The following JAG1 variants were observed in gnomAD, a reference collection of about 807,000 sequenced individuals.
The protein encoded by JAG1 is protein jagged-1.
A neutral mutation model predicts 148.7 loss-of-function variants in JAG1; 23 were observed. That is an observed-to-expected ratio of 0.15 (90% CI 0.11 to 0.22). JAG1 has a LOEUF of 0.22. Ranked by LOEUF, JAG1 falls within the 10% of genes least tolerant of loss-of-function variation. The probability of loss-of-function intolerance (pLI) is 1.00; values close to 1 mark genes in which losing one functional copy is unlikely to be tolerated. For missense variants in JAG1, 1,054 were observed against 1,611.2 expected (o/e 0.65, Z 5.92); for synonymous variants, 572 against 598.3 (o/e 0.96, Z 0.64).
chr20:10,673,416 C>T lies in JAG1; in HGVS notation c.81+34G>A, dbSNP rs1370142584. The T allele has an allele frequency of 2.9e-6, 4 of 1,398,674 alleles. No individual in the cohort carries two copies. Among genetic ancestry groups the T allele is most frequent in the Admixed American group, 3.0e-5 (1 of 33,752 alleles). 86.6% of individuals were successfully genotyped at this position (1,398,674 alleles called of 1,614,324 possible). A position where few individuals can be genotyped will look rare whatever the true frequency, so the allele number is the denominator to read the frequency against. ...GGGCGCCGCGAGGGGAGGGAGAGGA[C>T]GGCTGGGAGGGAGGCCCGGAGAAGG... On this transcript the variant is annotated intron_variant, in intron 1 of 25. Coordinates refer to ENST00000254958, the MANE Select transcript of JAG1 (RefSeq NM_000214.3). This position sits in a 1 kb window ranked among gnomAD's most constrained non-coding sequence, Gnocchi z 4.7.
intron 6 of JAG1, 102 bp downstream of exon 6, chr20:10,652,366 A>C: frequency 6.3e-7 from 1 of 1,596,274 alleles, no homozygotes; most frequent in Non-Finnish European, 8.6e-7. Flanking sequence ...ACAGCATTCA[A>C]GGAGAATTCA....
chr20:10,647,171 C>T, intron 13 of JAG1, 68 bp from the exon 14 acceptor site: 2 of 1,594,638 alleles, frequency 1.3e-6, no homozygotes, highest in Non-Finnish European at 1.7e-6. Flanking sequence ...AAGCCAAGGG[C>T]CTGGGCCAAG....
Position 10,645,170 on chromosome 20 carries a change from C to T in JAG1, c.2200G>A (p.Gly734Ser), listed in dbSNP as rs199561320. The change falls in exon 17 of 26, where the codon GGC becomes AGC. Residue 734 changes from glycine (G) to serine (S), a missense_variant. By Grantham distance (56) the Gly-to-Ser change is moderately conservative (BLOSUM62 0). Transcript: ENST00000254958. The surrounding 1 kb of genome is among the most constrained non-coding windows in gnomAD (Gnocchi z 6.1). ...GDAFKCMCPG[G>S]WEGTTCNIAR... ...ATGTTACAGGTTGTTCCTTCCCAGC[C>T]GCCAGGACACATGCACTTAAAAGCA... 1.7e-5 allele frequency: 27 copies of T among 1,614,144 alleles called. No homozygotes were observed. Among genetic ancestry groups the T allele is most frequent in the South Asian group, 4.4e-5 (4 of 91,080 alleles).
rs1423710015 is a variant in JAG1 at position 10,645,394 on chromosome 20, T to C, written c.2075A>G (p.Asp692Gly). Residue 692 changes from aspartate to glycine, a missense_variant, in exon 16 of 26, where the codon GAC becomes GGC. Coordinates refer to ENST00000254958, the MANE Select transcript of JAG1 (RefSeq NM_000214.3). This position sits in a 1 kb window ranked among gnomAD's most constrained non-coding sequence, Gnocchi z 6.1. ...CTTTCCTTTCCACCCATTTTTACAG[T>C]CACAGTAGAAGTCATTGACCAGGTC... The part of the protein sequence containing the change: ...CRDLVNDFYC[D>G]CKNGWKGKTC... The C allele has an allele frequency of 1.9e-6, 3 of 1,612,634 alleles. No homozygotes were observed. Among genetic ancestry groups the C allele is most frequent in the South Asian group, 2.2e-5 (2 of 91,060 alleles).
intron 20 of JAG1, among the ~76,000 whole-genome samples, chr20:10,643,563 A>G (rs1213837904): frequency 2.0e-5 from 3 of 152,196 alleles, no homozygotes; most frequent in Non-Finnish European, 2.9e-5. Context: ...CTCCCCAAGA[A>G]CAAGGAGGGC....
chr20:10,640,051 C>T (rs907735819), intron 25 of JAG1, 96 bp from the exon 26 acceptor site: 24 of 983,198 alleles, frequency 2.4e-5, no homozygotes, highest in East Asian at 7.8e-5. Context: ...TTCTCCTGCC[C>T]TTTATCCCTA....
rs2067303628 is a variant in JAG1, at chr20:10,645,595, C to G, written c.2000-126G>C. On this transcript the variant is annotated intron_variant, in intron 15 of 25. Coordinates refer to ENST00000254958, the MANE Select transcript of JAG1 (RefSeq NM_000214.3). This position sits in a 1 kb window ranked among gnomAD's most constrained non-coding sequence, Gnocchi z 6.1. ...TCTGAGAACAGCCACAGTCGTAGTA[C>G]TTTAACACAATCAGGCTTTTCCAGG... 2.5e-6 allele frequency: 2 copies of G among 793,046 alleles called. No homozygotes were observed. The highest frequency in any genetic ancestry group is 5.2e-5 in the East Asian group (2 of 38,314). The allele number at this position is 793,046 out of a possible 1,614,324, so 49.1% of individuals were successfully genotyped here. A position where few individuals can be genotyped will look rare whatever the true frequency, so the allele number is the denominator to read the frequency against.
At chr20:10,664,310 T>C (rs1409725669) in intron 2 of JAG1, among the ~76,000 whole-genome samples, 1 of 151,664 alleles carries the variant, frequency 6.6e-6, no homozygotes, top group Non-Finnish European at 1.5e-5. Context: ...CACTATATGA[T>C]ATGAGAGTAT....
intron 3 of JAG1, chr20:10,662,102 A>G (rs1031972960): frequency 6.6e-6 from 1 of 152,172 alleles, no homozygotes; most frequent in African/African-American, 2.4e-5. Flanking sequence ...AAGTGGAGAA[A>G]CCATTTCCAC....
chr20:10,663,201 G>A (rs1163820478), intron 3 of JAG1, among the ~76,000 whole-genome samples: 1 of 152,204 alleles, frequency 6.6e-6, no homozygotes, highest in East Asian at 1.9e-4. Flanking sequence ...AGATTTCAGT[G>A]AGCATCAAGT....
chr20:10,648,512 T>TA (rs748311275), intron 12 of JAG1, 37 bp downstream of exon 12: 83 of 1,597,160 alleles, frequency 5.2e-5, no homozygotes, highest in Admixed American at 2.3e-4. Flanking sequence ...GGCTCTGCTC[T>TA]AAAAACTTGG....
intron 2 of JAG1, among the ~76,000 whole-genome samples, chr20:10,671,844 G>A (rs1317497360): frequency 2.0e-5 from 3 of 152,170 alleles, no homozygotes; most frequent in Non-Finnish European, 4.4e-5. Flanking sequence ...CTTTGGGGGC[G>A]GAATGGGGCG....
chr20:10,650,772 CAA>C (rs2067340596), intron 8 of JAG1: 1 of 255,764 alleles, frequency 3.9e-6, no homozygotes, highest in African/African-American at 2.2e-5. Context: ...AGAGTTTGCC[CAA>C]AATAGCACAC....
Position 10,647,806 on chromosome 20 carries a change from C to G in JAG1, c.1720+154G>C, listed in dbSNP as rs1241838359. On this transcript the variant is annotated intron_variant, in intron 13 of 25. Transcript: ENST00000254958. ...GGCAGGCCGGAATAGATTGTTTCCA[C>G]GTGTTGCGGCCCGCTACACAGGCAG... Among the ~76,000 whole-genome samples the G allele has an allele frequency of 3.9e-5, 6 of 152,200 alleles. No homozygotes were observed. In the East Asian group the frequency reaches 9.6e-4, roughly 24 times the overall value.
chr20:10,648,960 A>T, intron 11 of JAG1, 101 bp downstream of exon 11: 1 of 1,103,286 alleles, frequency 9.1e-7, no homozygotes, highest in East Asian at 2.4e-5. Context: ...TTTTCACCCA[A>T]ATTTTTAAAT....
chr20:10,644,315 C>CGA, intron 19 of JAG1, 42 bp downstream of exon 19: 1 of 1,469,282 alleles, frequency 6.8e-7, no homozygotes, highest in African/African-American at 1.4e-5. Context: ...CACACACACA[C>CGA]GATAGTGGAT....
rs951729996 is a variant in JAG1, at chr20:10,673,757, A to C, written c.-227T>G. The C allele has an allele frequency of 4.1e-6, 1 of 241,832 alleles. No individual in the cohort carries two copies. Among genetic ancestry groups the C allele is most frequent in the African/African-American group, 2.3e-5 (1 of 43,776 alleles). The allele number at this position is 241,832 out of a possible 1,614,324, so 15.0% of individuals were successfully genotyped here. ...AGCCCGGCCTCCTTTTATTATTCTG[A>C]TCGCTTCTTTGAGACGCTCCCCCTC... On this transcript the variant is annotated 5_prime_UTR_variant, in exon 1 of 26. Transcript: ENST00000254958. This position sits in a 1 kb window ranked among gnomAD's most constrained non-coding sequence, Gnocchi z 4.7.
At chr20:10,646,861 C>A in intron 14 of JAG1, 78 bp downstream of exon 14, 1 of 1,419,944 alleles carries the variant, frequency 7.0e-7, no homozygotes, top group Non-Finnish European at 1.0e-6. Context: ...CCAATGATCC[C>A]AGGGTGGGCC....
rs192062515 is a variant in JAG1 at position 10,638,061 on chromosome 20, A to G, written c.*1437T>C. The G allele has an allele frequency of 6.5e-6, 1 of 152,810 alleles. No homozygotes were observed. Among genetic ancestry groups the G allele is most frequent in the Non-Finnish European group, 1.5e-5 (1 of 68,036 alleles). 9.5% of individuals were successfully genotyped at this position (152,810 alleles called of 1,614,324 possible). On this transcript the variant is annotated 3_prime_UTR_variant, in exon 26 of 26. Coordinates refer to ENST00000254958, the MANE Select transcript of JAG1 (RefSeq NM_000214.3). The stretch of plus-strand genomic sequence containing the variant: ...ACATCAAAGATGCATTTGTATGTTC[A>G]TATAACACTAATAGGACAATACAAA...
Sources: gnomAD v4.1 joint callset for allele counts (sites outside exome capture counted in the v4.1 genomes callset) on GRCh38, gnomAD v4.1.1 for gene constraint, Gnocchi (gnomAD v3.1) non-coding constraint, MANE v1.5 for transcripts, NCBI Gene and HGNC (gene_info 2026-07-23, HGNC 2026-07-21) for gene names.